RGS7: variants seen among roughly 807,000 people sequenced by gnomAD.
RGS7 encodes the protein regulator of G protein signaling 7, also known as regulator of G-protein signaling 7.
RGS7 carries 27 observed loss-of-function variants against 81.1 expected under a neutral mutation model. That is an observed-to-expected ratio of 0.33 (90% CI 0.25 to 0.46). RGS7 has a LOEUF of 0.46. Ranked by LOEUF, RGS7 falls within the 20% of genes least tolerant of loss-of-function variation. The pLI, the probability that RGS7 is intolerant of heterozygous loss-of-function variation, is 1.00. For synonymous variants in RGS7, 208 were observed against 207.7 expected (o/e 1.00, Z -0.01); for missense variants, 396 against 607.4 (o/e 0.65, Z 3.66).
intron 2 of RGS7, among the ~76,000 whole-genome samples, chr1:241,122,946 C>T (rs1178954916): frequency 6.6e-6 from 1 of 152,160 alleles, no homozygotes; most frequent in Non-Finnish European, 1.5e-5. Flanking sequence ...AGTCGAACCA[C>T]ATTAAGTTGG....
At chr1:240,861,700 A>T (rs1219279691) in intron 9 of RGS7, among the ~76,000 whole-genome samples, 1 of 152,100 alleles carries the variant, frequency 6.6e-6, no homozygotes, top group Non-Finnish European at 1.5e-5. Context: ...GGGAATTCTC[A>T]TTCCTAGGGT....
intron 2 of RGS7, among the ~76,000 whole-genome samples, chr1:241,212,341 C>T (rs910302197): frequency 1.3e-5 from 2 of 151,568 alleles, no homozygotes; most frequent in Non-Finnish European, 2.9e-5. Context: ...GGGTCGACTT[C>T]GTGGGTGTGT....
chr1:241,062,913 G>A (rs1053541788), intron 3 of RGS7, among the ~76,000 whole-genome samples: 1 of 152,102 alleles, frequency 6.6e-6, no homozygotes, highest in Non-Finnish European at 1.5e-5. Flanking sequence ...GTGTATTTGG[G>A]CACAGATCAA....
chr1:241,199,095 T>TA (rs901405736), intron 2 of RGS7, among the ~76,000 whole-genome samples: 14 of 147,610 alleles, frequency 9.5e-5, no homozygotes, highest in African/African-American at 1.3e-4. Flanking sequence ...TCAAGAAATG[T>TA]AAAAAAAAGA....
intron 4 of RGS7, among the ~76,000 whole-genome samples, chr1:240,982,384 T>A (rs1685042242): frequency 7.9e-6 from 1 of 126,554 alleles, no homozygotes; most frequent in African/African-American, 3.1e-5. Context: ...ATTGCACCAC[T>A]GCACTCCAGC....
intron 3 of RGS7, among the ~76,000 whole-genome samples, chr1:241,010,930 G>A (rs1027069003): frequency 2.6e-5 from 4 of 152,064 alleles, no homozygotes; most frequent in African/African-American, 7.2e-5. Flanking sequence ...ATATGGCCCC[G>A]TGCCTGGTAA....
At chr1:241,173,811 C>T (rs2070910332) in intron 2 of RGS7, among the ~76,000 whole-genome samples, 1 of 152,098 alleles carries the variant, frequency 6.6e-6, no homozygotes, top group South Asian at 2.1e-4. Flanking sequence ...AATTACTAAC[C>T]TTTGCTTCCT....
At chr1:241,319,102 C>T (rs191826060) in intron 2 of RGS7, among the ~76,000 whole-genome samples, 6 of 152,248 alleles carry the variant, frequency 3.9e-5, no homozygotes, top group African/African-American at 1.4e-4. Context: ...TGTGATAGCA[C>T]CATAACCATT....
intron 3 of RGS7, among the ~76,000 whole-genome samples, chr1:241,095,351 T>C (rs1471550279): frequency 6.6e-6 from 1 of 152,180 alleles, no homozygotes; most frequent in Non-Finnish European, 1.5e-5. Context: ...GATGTTTTGA[T>C]ACAAATAATA....
At chr1:241,293,357 T>C (rs1224315381) in intron 2 of RGS7, among the ~76,000 whole-genome samples, 1 of 152,224 alleles carries the variant, frequency 6.6e-6, no homozygotes, top group Non-Finnish European at 1.5e-5. Context: ...TTAGAGTGTA[T>C]TTTTACTTAC....
intron 3 of RGS7, among the ~76,000 whole-genome samples, chr1:241,029,958 C>G (rs774799121): frequency 9.8e-5 from 15 of 152,306 alleles, no homozygotes; most frequent in Admixed American, 2.0e-4. Flanking sequence ...ATAACAGGCA[C>G]CTCCATTACA....
chr1:240,901,823 A>T (rs1670058214), intron 6 of RGS7, among the ~76,000 whole-genome samples: 1 of 152,236 alleles, frequency 6.6e-6, no homozygotes, highest in African/African-American at 2.4e-5. Context: ...GTATTCTCCC[A>T]GACCTCTGCA....
At chr1:240,987,643 C>T (rs1685871050) in intron 3 of RGS7, among the ~76,000 whole-genome samples, 2 of 152,046 alleles carry the variant, frequency 1.3e-5, no homozygotes, top group Admixed American at 6.5e-5. Context: ...CCTGTCCCAG[C>T]CTCCCAAGTA....
At chr1:241,327,336 A>G (rs1258585175) in intron 2 of RGS7, among the ~76,000 whole-genome samples, 1 of 152,164 alleles carries the variant, frequency 6.6e-6, no homozygotes, top group Non-Finnish European at 1.5e-5. Context: ...AATAAACTTC[A>G]TAAAACTGTT....
intron 9 of RGS7, among the ~76,000 whole-genome samples, chr1:240,866,498 G>A (rs1255631793): frequency 3.4e-5 from 5 of 148,002 alleles, no homozygotes; most frequent in South Asian, 2.2e-4. Context: ...GCAACAGAGC[G>A]AGACTCCGTC....
intron 2 of RGS7, among the ~76,000 whole-genome samples, chr1:241,329,055 T>C (rs1166915014): frequency 6.6e-6 from 1 of 152,236 alleles, no homozygotes; most frequent in Admixed American, 6.5e-5. Context: ...AAAATAACCA[T>C]TGCTGTTATG....
chr1:241,117,637 A>C (rs2065964129), intron 2 of RGS7, among the ~76,000 whole-genome samples: 1 of 152,208 alleles, frequency 6.6e-6, no homozygotes, highest in South Asian at 2.1e-4. Context: ...TTGACAGGAA[A>C]AGATTGTTTG....
At chr1:240,968,687 T>A (rs952537254) in intron 4 of RGS7, among the ~76,000 whole-genome samples, 2 of 152,206 alleles carry the variant, frequency 1.3e-5, no homozygotes, top group Non-Finnish European at 2.9e-5. Flanking sequence ...GACCTTTTAC[T>A]GTACAGCAGG....
intron 2 of RGS7, among the ~76,000 whole-genome samples, chr1:241,248,670 A>C (rs1468454031): frequency 1.3e-5 from 2 of 151,942 alleles, no homozygotes; most frequent in Non-Finnish European, 1.5e-5. Context: ...TGTATTTTTA[A>C]ATTCATTCCT....
Sources: allele counts gnomAD v4.1 joint callset (sites outside exome capture counted in the v4.1 genomes callset), GRCh38; gene constraint gnomAD v4.1.1; transcripts MANE v1.5; gene names NCBI Gene and HGNC (gene_info 2026-07-23, HGNC 2026-07-21).